The following LRRIQ1 variants were observed in gnomAD, a reference collection of about 807,000 sequenced individuals.
The protein encoded by LRRIQ1 is leucine-rich repeat- and IQ domain-containing protein 1.
In LRRIQ1, 210 loss-of-function variants were observed where a neutral mutation model predicts 211.9. That is an observed-to-expected ratio of 0.99 (90% CI 0.89 to 1.11). LRRIQ1 has a LOEUF of 1.11. Ranked by LOEUF, LRRIQ1 falls within the 50% of genes most tolerant of loss-of-function variation. The pLI is 0.00. For synonymous variants in LRRIQ1, 699 were observed against 650.1 expected (o/e 1.08, Z -1.14); for missense variants, 2,136 against 1,939.5 (o/e 1.10, Z -1.90).
At chr12:85,110,646 A>G (rs941328036) in intron 15 of LRRIQ1, among the ~76,000 whole-genome samples, 4 of 152,282 alleles carry the variant, frequency 2.6e-5, no homozygotes, top group South Asian at 2.1e-4. Context: ...GTTTAGTGTG[A>G]CAAGGAGAAA....
chr12:85,102,581 A>G (rs1479005088), intron 13 of LRRIQ1, among the ~76,000 whole-genome samples: 1 of 151,642 alleles, frequency 6.6e-6, no homozygotes, highest in Admixed American at 6.6e-5. Context: ...CTAATGCTGA[A>G]AGGGATAGTA....
At chr12:85,169,268 A>C (rs1316360914) in intron 24 of LRRIQ1, among the ~76,000 whole-genome samples, 2 of 152,154 alleles carry the variant, frequency 1.3e-5, no homozygotes, top group African/African-American at 4.8e-5. Flanking sequence ...TTTTTTTATA[A>C]GTCTTGACTA....
chr12:85,193,902 A>C (rs2136963581), intron 24 of LRRIQ1, among the ~76,000 whole-genome samples: 2 of 150,734 alleles, frequency 1.3e-5, no homozygotes, highest in East Asian at 3.9e-4. Flanking sequence ...GTCAAGATCC[A>C]TCAGTGTGCT....
At chr12:85,158,620 C>T (rs138221217) in intron 23 of LRRIQ1, among the ~76,000 whole-genome samples, 4 of 151,914 alleles carry the variant, frequency 2.6e-5, no homozygotes, top group Admixed American at 6.6e-5. Context: ...GAGATGCATG[C>T]ATAATAGGGA....
At chr12:85,216,755 T>G (rs1894110092) in intron 24 of LRRIQ1, among the ~76,000 whole-genome samples, 1 of 151,946 alleles carries the variant, frequency 6.6e-6, no homozygotes. Context: ...CTTTTACCTA[T>G]TTTCAAATTA....
At chr12:85,234,230 C>G (rs1468645215) in intron 26 of LRRIQ1, among the ~76,000 whole-genome samples, 2 of 151,950 alleles carry the variant, frequency 1.3e-5, no homozygotes, top group African/African-American at 2.4e-5. Context: ...GAGTGAGACT[C>G]TCTTTCAAAA....
rs561145275 is a variant in LRRIQ1 at position 85,050,769 on chromosome 12, C to T, written c.679-1408C>T. The stretch of plus-strand genomic sequence containing the variant: ...TCAGACAACTATTTATTTAAAAATA[C>T]GTTACTTCCATGCTTAAACCTCATC... On this transcript the variant is annotated intron_variant, in intron 6 of 26. Coordinates refer to ENST00000393217, the MANE Select transcript of LRRIQ1 (RefSeq NM_001079910.2). Among the ~76,000 whole-genome samples, 7 of 152,246 alleles carry T rather than the reference C, an allele frequency of 4.6e-5. No individual in the cohort carries two copies. The South Asian group carries it at 8.3e-4, about 18-fold the overall frequency.
chr12:85,227,300 G>A (rs1284228308), intron 24 of LRRIQ1, among the ~76,000 whole-genome samples: 1 of 151,908 alleles, frequency 6.6e-6, no homozygotes, highest in South Asian at 2.1e-4. Context: ...TATACTGTAA[G>A]TTTTAGGGTA....
intron 15 of LRRIQ1, among the ~76,000 whole-genome samples, chr12:85,109,055 G>C (rs1294034737): frequency 6.6e-6 from 1 of 152,110 alleles, no homozygotes; most frequent in Non-Finnish European, 1.5e-5. Context: ...TCTCTGCAAG[G>C]TGTGGCCATG....
intron 11 of LRRIQ1, among the ~76,000 whole-genome samples, chr12:85,081,006 C>A (rs1190752106): frequency 6.6e-6 from 1 of 152,062 alleles, no homozygotes; most frequent in Non-Finnish European, 1.5e-5. Context: ...GTAGTTGAAT[C>A]TATACATTGG....
At chr12:85,082,509 A>G (rs1227077285) in intron 11 of LRRIQ1, among the ~76,000 whole-genome samples, 1 of 152,080 alleles carries the variant, frequency 6.6e-6, no homozygotes, top group African/African-American at 2.4e-5. Context: ...TCTCCTTCTG[A>G]AACATTATGT....
intron 1 of LRRIQ1, chr12:85,262,885 T>A: frequency 2.1e-6 from 2 of 944,166 alleles, no homozygotes; most frequent in Non-Finnish European, 2.5e-6. Flanking sequence ...TCATATTCAG[T>A]GAAAGTGTAT....
intron 24 of LRRIQ1, among the ~76,000 whole-genome samples, chr12:85,180,613 T>C (rs1195522086): frequency 6.6e-6 from 1 of 151,944 alleles, no homozygotes; most frequent in Non-Finnish European, 1.5e-5. Flanking sequence ...GTCCATTTCC[T>C]CATTTTTGAA....
intron 1 of LRRIQ1, among the ~76,000 whole-genome samples, chr12:85,251,100 A>G (rs1021877533): frequency 6.8e-6 from 1 of 146,452 alleles, no homozygotes; most frequent in Non-Finnish European, 1.5e-5. Context: ...GTCTTTATGA[A>G]AAGTAATTTG....
At chr12:85,043,340 T>C (rs1170916801) in intron 3 of LRRIQ1, among the ~76,000 whole-genome samples, 2 of 152,100 alleles carry the variant, frequency 1.3e-5, no homozygotes, top group African/African-American at 4.8e-5. Flanking sequence ...TTAAAATGTC[T>C]GGCTATTGAT....
In LRRIQ1 at chr12:85,046,144, TA is replaced by T; in HGVS notation, c.454+10del. 1 of 1,496,340 alleles carries T rather than the reference TA, an allele frequency of 6.7e-7. No homozygotes were observed. The highest frequency in any genetic ancestry group is 9.2e-7 in the Non-Finnish European group (1 of 1,081,468). 92.7% of individuals were successfully genotyped at this position (1,496,340 alleles called of 1,614,324 possible). ...GATGAACATGTTTTACCAGGTGGAC[TA>T]AATTGCTCAATGATATGTTTGTTGA... On this transcript the variant is annotated splice_region_variant and intron_variant, in intron 5 of 26. Transcript: ENST00000393217.
chr12:85,144,442 G>A (rs1297737351), intron 19 of LRRIQ1, among the ~76,000 whole-genome samples: 1 of 151,554 alleles, frequency 6.6e-6, no homozygotes, highest in African/African-American at 2.4e-5. Context: ...ATAGAGCATA[G>A]TGTTTAATTG....
chr12:85,061,951 G>A (rs947833623), intron 8 of LRRIQ1, among the ~76,000 whole-genome samples: 2 of 151,748 alleles, frequency 1.3e-5, no homozygotes, highest in African/African-American at 4.8e-5. Context: ...TTAAAATGGA[G>A]TGGTCTAATT....
chr12:85,175,842 T>C (rs2136844694), intron 24 of LRRIQ1, among the ~76,000 whole-genome samples: 1 of 152,298 alleles, frequency 6.6e-6, no homozygotes, highest in Non-Finnish European at 1.5e-5. Flanking sequence ...TTCTGAGGGC[T>C]CTGTTCTGTT....
Sources: gnomAD v4.1 joint callset for allele counts (sites outside exome capture counted in the v4.1 genomes callset) on GRCh38, gnomAD v4.1.1 for gene constraint, MANE v1.5 for transcripts, NCBI Gene and HGNC (gene_info 2026-07-23, HGNC 2026-07-21) for gene names.